DCDC1: variants seen among roughly 807,000 people sequenced by gnomAD.
The protein encoded by DCDC1 is doublecortin domain containing 1, also known as doublecortin domain-containing protein 1.
In DCDC1, 200 loss-of-function variants were observed where a neutral mutation model predicts 178.3. The ratio of observed to expected loss-of-function variants is 1.12; its 90% CI spans 1.00 to 1.26. The LOEUF is 1.26. Ranked by LOEUF, DCDC1 falls within the 50% of genes most tolerant of loss-of-function variation. DCDC1 has a pLI of 0.00. For synonymous variants in DCDC1, 690 were observed against 604.8 expected, an observed-to-expected ratio of 1.14 and a Z score of -2.07; for missense variants, 1,983 against 1,749.2, an observed-to-expected ratio of 1.13 and a Z score of -2.38.
intron 21 of DCDC1, among the ~76,000 whole-genome samples, chr11:30,942,332 C>A (rs1947708930): frequency 1.3e-5 from 2 of 152,066 alleles, no homozygotes; most frequent in Non-Finnish European, 2.9e-5. Context: ...AGATATTGAA[C>A]AATTTAGTTG....
intron 9 of DCDC1, among the ~76,000 whole-genome samples, chr11:31,218,514 T>A (rs1973855305): frequency 6.6e-6 from 1 of 152,200 alleles, no homozygotes; most frequent in Admixed American, 6.6e-5. Context: ...TTGATTTTTA[T>A]TTTCCCTGAC....
At chr11:31,305,333 G>A (rs1948383982) in intron 6 of DCDC1, among the ~76,000 whole-genome samples, 2 of 152,062 alleles carry the variant, frequency 1.3e-5, no homozygotes, top group Non-Finnish European at 2.9e-5. Context: ...AATAATCTCT[G>A]ATTTAATTTA....
intron 3 of DCDC1, among the ~76,000 whole-genome samples, chr11:31,309,883 A>G (rs2137636953): frequency 6.6e-6 from 1 of 152,194 alleles, no homozygotes; most frequent in East Asian, 1.9e-4. Context: ...ATGTTGCTCT[A>G]TGCTCTGTAT....
rs187830863 is a variant in DCDC1, at chr11:31,162,283, T to C, written c.1222-24499A>G. Among the ~76,000 whole-genome samples, 25 of 152,262 alleles carry C rather than the reference T, an allele frequency of 1.6e-4. 1 individual carries two copies. The East Asian group carries it at 4.8e-3, about 29-fold the overall frequency. On this transcript the variant is annotated intron_variant, in intron 9 of 38. Coordinates refer to ENST00000684477, the MANE Select transcript of DCDC1 (RefSeq NM_001387274.1). ...ATTCTAGCATTTAAAATTAGATATA[T>C]GGGTAATTATATCTAAGGAATAAGT... is the stretch of plus-strand genomic sequence containing the variant.
At chr11:31,263,411 C>T (rs558512981) in intron 8 of DCDC1, among the ~76,000 whole-genome samples, 1 of 152,084 alleles carries the variant, frequency 6.6e-6, no homozygotes, top group South Asian at 2.1e-4. Context: ...CCCCAAAGAA[C>T]AAAAGGAAGG....
Position 31,202,972 on chromosome 11 carries a change from G to A in DCDC1, c.1221+38478C>T, listed in dbSNP as rs561908099. On this transcript the variant is annotated intron_variant, in intron 9 of 38. Transcript: ENST00000684477. ...GTGACTGTTGGTCAGAAATTCCAAC[G>A]TGCATTAAAAGGCTGGGTTCTGGAC... Among the ~76,000 whole-genome samples, 7 of 152,284 alleles carry A rather than the reference G, an allele frequency of 4.6e-5. No individual in the cohort carries two copies. The East Asian group carries it at 9.6e-4, about 21-fold the overall frequency.
At chr11:30,923,996 C>T (rs1477905926) in intron 23 of DCDC1, among the ~76,000 whole-genome samples, 1 of 152,052 alleles carries the variant, frequency 6.6e-6, no homozygotes, top group African/African-American at 2.4e-5. Flanking sequence ...TTTATGTTTC[C>T]ATCTTCATGT....
chr11:30,977,750 T>C (rs1318721710), intron 20 of DCDC1, among the ~76,000 whole-genome samples: 1 of 151,880 alleles, frequency 6.6e-6, no homozygotes, highest in Non-Finnish European at 1.5e-5. Context: ...GGCAATATAG[T>C]GAAACCCCAT....
chr11:30,985,343 T>A (rs113874194), intron 20 of DCDC1, among the ~76,000 whole-genome samples: 3 of 152,214 alleles, frequency 2.0e-5, no homozygotes, highest in African/African-American at 7.2e-5. Flanking sequence ...TAAATTTCAA[T>A]CCATCAAACA....
intron 20 of DCDC1, among the ~76,000 whole-genome samples, chr11:31,063,990 T>C (rs1956112802): frequency 6.6e-6 from 1 of 152,174 alleles, no homozygotes; most frequent in Admixed American, 6.5e-5. Context: ...TGGTTAGCAA[T>C]ATCAATGATG....
intron 2 of DCDC1, among the ~76,000 whole-genome samples, chr11:31,335,128 C>T (rs1243186590): frequency 2.0e-5 from 3 of 152,198 alleles, no homozygotes; most frequent in African/African-American, 2.4e-5. Flanking sequence ...CTCCTCCTGC[C>T]AGGCTGCTGC....
rs181712818 is a variant in DCDC1, at chr11:30,880,553, G to A, written c.5233+605C>T. Among the ~76,000 whole-genome samples, 187 of 152,222 alleles carry A rather than the reference G, an allele frequency of 1.2e-3. 1 individual carries two copies. The highest frequency in any genetic ancestry group is 4.0e-3 in the African/African-American group (165 of 41,548). On this transcript the variant is annotated intron_variant, in intron 37 of 38. Coordinates refer to ENST00000684477, the MANE Select transcript of DCDC1 (RefSeq NM_001387274.1). ...CTAATCTTTTAGTTTCCTTTAGAGTGATAACAGTGTTCTTCGGAATCTCCT... is the reference window on the plus strand; with the variant it reads ...CTAATCTTTTAGTTTCCTTTAGAGTAATAACAGTGTTCTTCGGAATCTCCT...
rs561511782 is a variant in DCDC1, at chr11:31,087,167, T to C, written c.2237+4226A>G. 3.3e-5 allele frequency among the ~76,000 whole-genome samples: 5 copies of C among 152,280 alleles called. No individual in the cohort carries two copies. In the East Asian group the frequency reaches 5.8e-4, roughly 18 times the overall value. On this transcript the variant is annotated intron_variant, in intron 17 of 38. Transcript: ENST00000684477. Reference sequence around the variant, plus strand: ...CCTAAATGACAAATTTACTGGCACATGGTTGTTCAAAATATTCCCTTATCA... The same window carrying C: ...CCTAAATGACAAATTTACTGGCACACGGTTGTTCAAAATATTCCCTTATCA...
At chr11:31,307,543 T>A (rs1948535792) in intron 4 of DCDC1, 96 bp downstream of exon 4, 2 of 1,474,376 alleles carry the variant, frequency 1.4e-6, no homozygotes, top group African/African-American at 2.8e-5. Flanking sequence ...TGTTACATTT[T>A]AATGTCTGAG....
intron 28 of DCDC1, among the ~76,000 whole-genome samples, chr11:30,910,193 A>T (rs1241293665): frequency 6.6e-6 from 1 of 152,198 alleles, no homozygotes; most frequent in Non-Finnish European, 1.5e-5. Flanking sequence ...AGCAACAAAA[A>T]ATTCTTGAAA....
At chr11:30,975,653 A>G (rs893917906) in intron 20 of DCDC1, among the ~76,000 whole-genome samples, 3 of 152,084 alleles carry the variant, frequency 2.0e-5, no homozygotes, top group African/African-American at 7.2e-5. Flanking sequence ...AATAGATTTA[A>G]CCAAAGTGAA....
chr11:31,130,973 G>A (rs12289343), intron 10 of DCDC1, among the ~76,000 whole-genome samples: 16,845 of 39,654 alleles, frequency 0.42, 6,978 homozygotes, highest in East Asian at 0.84. Context: ...ATGAGGTCAG[G>A]AGATCGAGAC....
intron 1 of DCDC1, among the ~76,000 whole-genome samples, chr11:31,339,058 T>C (rs1362367300): frequency 3.3e-5 from 5 of 152,204 alleles, no homozygotes; most frequent in Admixed American, 6.5e-5. Context: ...GCTCCTACAC[T>C]GTTGATGATT....
intron 15 of DCDC1, among the ~76,000 whole-genome samples, chr11:31,095,454 T>C (rs979672501): frequency 6.6e-6 from 1 of 152,218 alleles, no homozygotes; most frequent in Non-Finnish European, 1.5e-5. Context: ...ATCTGTTGTT[T>C]CCTGACTTTT....
Sources: gnomAD v4.1 joint callset for allele counts (sites outside exome capture counted in the v4.1 genomes callset) on GRCh38, gnomAD v4.1.1 for gene constraint, MANE v1.5 for transcripts, NCBI Gene and HGNC (gene_info 2026-07-23, HGNC 2026-07-21) for gene names.